Variants in GALNT16 observed in about 807,000 individuals in gnomAD.
GALNT16 encodes the protein UDP-GalNAc:polypeptide N-acetylgalactosaminyltransferase-like protein 1.
In GALNT16, 40 loss-of-function variants were observed where a neutral mutation model predicts 76.1. That is an observed-to-expected ratio of 0.53 (90% CI 0.41 to 0.68). The LOEUF (loss-of-function observed/expected upper bound fraction) is 0.68. Ranked by LOEUF, GALNT16 falls within the 30% of genes least tolerant of loss-of-function variation. The probability of loss-of-function intolerance (pLI) is 0.00; values close to 1 mark genes in which losing one functional copy is unlikely to be tolerated. For missense variants in GALNT16, 621 were observed against 731.9 expected, an observed-to-expected ratio of 0.85 and a Z score of 1.75; for synonymous variants, 276 against 285.2, an observed-to-expected ratio of 0.97 and a Z score of 0.32.
In GALNT16 at chr14:69,341,665, C is replaced by T; in HGVS notation, c.1188-16C>T. 1 of 1,594,300 alleles carries T rather than the reference C, an allele frequency of 6.3e-7. No homozygotes were observed. Among genetic ancestry groups the T allele is most frequent in the Non-Finnish European group, 8.6e-7 (1 of 1,165,448 alleles). ...ACACTGGCAGGCCAAAGCCCAAGCC[C>T]TGCCTCCTCCTACAGTGTGGCTACG... is the stretch of plus-strand genomic sequence containing the variant. On this transcript the variant is annotated splice_polypyrimidine_tract_variant and intron_variant, in intron 11 of 14. Coordinates refer to ENST00000448469, the MANE Select transcript of GALNT16 (RefSeq NM_001168368.2).
At chr14:69,312,059 GTCTATCTATCTATCTA>G (rs3045602) in intron 1 of GALNT16, among the ~76,000 whole-genome samples, 30 of 94,282 alleles carry the variant, frequency 3.2e-4, no homozygotes, top group Admixed American at 1.3e-3. Context: ...AAAAAAATCT[GTCTATCTATCTATCTA>G]TCTATCTATC....
At chr14:69,266,404 G>A (rs2044342861) in intron 1 of GALNT16, among the ~76,000 whole-genome samples, 1 of 152,150 alleles carries the variant, frequency 6.6e-6, no homozygotes, top group Admixed American at 6.6e-5. Flanking sequence ...TTGGTGACTG[G>A]TTAAGATCAC....
intron 1 of GALNT16, among the ~76,000 whole-genome samples, chr14:69,280,787 G>A (rs1240280863): frequency 6.6e-6 from 1 of 151,932 alleles, no homozygotes; most frequent in South Asian, 2.1e-4. Flanking sequence ...ATCCAGATTC[G>A]AATCCAGAGG....
chr14:69,379,395 T>C, the GALNT16 span, among the ~76,000 whole-genome samples: 1 of 152,108 alleles, frequency 6.6e-6, no homozygotes, highest in Non-Finnish European at 1.5e-5. Flanking sequence ...CACATATGAG[T>C]ATGTTCTAGG....
chr14:69,351,959 T>C, intron 14 of GALNT16, 72 bp from the exon 15 acceptor site: 1 of 1,425,424 alleles, frequency 7.0e-7, no homozygotes, highest in Admixed American at 2.0e-5. Context: ...ACATGTGGAA[T>C]GAAAGTACAA....
At chr14:69,307,665 A>G (rs2044956245) in intron 1 of GALNT16, among the ~76,000 whole-genome samples, 1 of 152,186 alleles carries the variant, frequency 6.6e-6, no homozygotes, top group Admixed American at 6.5e-5. Flanking sequence ...AACTTGACTG[A>G]CATCCCTTTT....
intron 11 of GALNT16, among the ~76,000 whole-genome samples, chr14:69,341,127 G>A (rs1455312798): frequency 2.0e-5 from 3 of 152,186 alleles, no homozygotes; most frequent in Non-Finnish European, 4.4e-5. Flanking sequence ...TCTGAGATGA[G>A]TGGTCGTGTC....
chr14:69,319,450 G>A (rs1306946065), intron 1 of GALNT16, among the ~76,000 whole-genome samples: 1 of 152,248 alleles, frequency 6.6e-6, no homozygotes, highest in East Asian at 1.9e-4. Flanking sequence ...TTTGTGAGTG[G>A]GCAATTCTCA....
At chr14:69,302,873 CATACTT>C (rs2044873847) in intron 1 of GALNT16, among the ~76,000 whole-genome samples, 2 of 152,130 alleles carry the variant, frequency 1.3e-5, no homozygotes, top group African/African-American at 2.4e-5. Context: ...ATATTTGAGA[CATACTT>C]ATACCAAAAA....
chr14:69,299,103 C>G (rs779741080), intron 1 of GALNT16, among the ~76,000 whole-genome samples: 10 of 152,178 alleles, frequency 6.6e-5, no homozygotes, highest in Non-Finnish European at 1.3e-4. Flanking sequence ...ATCTAGGGCC[C>G]GATTTCAGCA....
intron 6 of GALNT16, among the ~76,000 whole-genome samples, chr14:69,328,939 G>T (rs1243645991): frequency 6.6e-6 from 1 of 152,224 alleles, no homozygotes; most frequent in Non-Finnish European, 1.5e-5. Context: ...TCAAAGAGAG[G>T]AGAGGGTAGG....
chr14:69,281,244 C>T (rs754016181), intron 1 of GALNT16, among the ~76,000 whole-genome samples: 54 of 152,308 alleles, frequency 3.5e-4, no homozygotes, highest in Middle Eastern at 3.4e-3. Context: ...GACACTTTCT[C>T]TGATTTAATG....
rs758132237 is a variant in GALNT16 at position 69,347,993 on chromosome 14, A to G, written c.1530A>G (p.Glu510=). The G allele has an allele frequency of 1.2e-6, 2 of 1,614,102 alleles. No homozygotes were observed. The highest frequency in any genetic ancestry group is 8.5e-7 in the Non-Finnish European group (1 of 1,180,012). Residue 510 remains glutamate, a synonymous_variant, in exon 14 of 15, where the codon GAA becomes GAG. Transcript: ENST00000448469. ...TACTGCAGATGTGCAACCCTAGAGA[A>G]GGCAAGCAGGTGAGTCTCCTTGCCT... ...PVILQMCNPR[E]GKQKWRRKGS...
chr14:69,385,826 TCA>T, the GALNT16 span, among the ~76,000 whole-genome samples: 1 of 152,182 alleles, frequency 6.6e-6, no homozygotes, highest in Admixed American at 6.5e-5. Flanking sequence ...TTCTCAGTCC[TCA>T]CATATCTGTC....
At chr14:69,350,308 G>T (rs2140204749) in intron 14 of GALNT16, 1 of 152,336 alleles carries the variant, frequency 6.6e-6, no homozygotes, top group East Asian at 1.9e-4. Context: ...TGACCCCCAG[G>T]GAATTTGCAC....
At chr14:69,334,577 AGTACT>A (rs1208161612) in intron 9 of GALNT16, among the ~76,000 whole-genome samples, 3 of 152,224 alleles carry the variant, frequency 2.0e-5, no homozygotes, top group African/African-American at 7.2e-5. Context: ...GGGACAGCAC[AGTACT>A]GGGCAGGGCT....
chr14:69,285,446 TG>T, intron 1 of GALNT16, among the ~76,000 whole-genome samples: 1 of 38,402 alleles, frequency 2.6e-5, no homozygotes, highest in East Asian at 7.7e-4. Context: ...TGTAGTGTCA[TG>T]TGTGGTTTTC....
intron 1 of GALNT16, among the ~76,000 whole-genome samples, chr14:69,319,205 G>A (rs969973550): frequency 6.6e-5 from 10 of 152,178 alleles, no homozygotes; most frequent in African/African-American, 2.4e-4. Context: ...GGCAACCCTA[G>A]AAGGTAGTAT....
the GALNT16 span, among the ~76,000 whole-genome samples, chr14:69,377,341 C>T: frequency 6.6e-6 from 1 of 152,072 alleles, no homozygotes; most frequent in Non-Finnish European, 1.5e-5. Flanking sequence ...ATCACTTAGG[C>T]AATCTAAATT....
Sources: gnomAD v4.1 joint callset for allele counts (sites outside exome capture counted in the v4.1 genomes callset) on GRCh38, gnomAD v4.1.1 for gene constraint, MANE v1.5 for transcripts, NCBI Gene and HGNC (gene_info 2026-07-23, HGNC 2026-07-21) for gene names.